CFAP20DC: variants seen among roughly 807,000 people sequenced by gnomAD.
CFAP20DC encodes the protein protein CFAP20DC.
A neutral mutation model predicts 101.7 loss-of-function variants in CFAP20DC; 84 were observed. That is an observed-to-expected ratio of 0.83 (90% CI 0.69 to 0.99). CFAP20DC has a LOEUF of 0.99. Ranked by LOEUF, CFAP20DC falls within the 50% of genes least tolerant of loss-of-function variation. The pLI, the probability that CFAP20DC is intolerant of heterozygous loss-of-function variation, is 0.00. For synonymous variants in CFAP20DC, 359 were observed against 351.2 expected (o/e 1.02, Z -0.25); for missense variants, 1,007 against 970.3 (o/e 1.04, Z -0.50).
chr3:58,907,400 G>A (rs934594502), intron 6 of CFAP20DC, among the ~76,000 whole-genome samples: 2 of 152,184 alleles, frequency 1.3e-5, no homozygotes, highest in Non-Finnish European at 2.9e-5. Flanking sequence ...TACATGTAAG[G>A]TTTCTTGCCA....
At chr3:58,915,021 T>C (rs1005848312) in intron 5 of CFAP20DC, 1 of 152,136 alleles carries the variant, frequency 6.6e-6, no homozygotes, top group Non-Finnish European at 1.5e-5. Context: ...GATGGCCCAG[T>C]GAGGCCAGGT....
intron 4 of CFAP20DC, among the ~76,000 whole-genome samples, chr3:58,985,820 T>C (rs1267171959): frequency 6.6e-6 from 1 of 152,240 alleles, no homozygotes; most frequent in Non-Finnish European, 1.5e-5. Flanking sequence ...CTATTTGTTC[T>C]ATATTATTCT....
At chr3:58,818,157 G>A (rs2075339014) in intron 14 of CFAP20DC, among the ~76,000 whole-genome samples, 1 of 151,038 alleles carries the variant, frequency 6.6e-6, no homozygotes, top group Admixed American at 6.6e-5. Flanking sequence ...ACATGGAAAG[G>A]AACAACCGGT....
chr3:58,842,110 A>G (rs925247497), intron 13 of CFAP20DC, among the ~76,000 whole-genome samples: 1 of 152,234 alleles, frequency 6.6e-6, no homozygotes, highest in African/African-American at 2.4e-5. Flanking sequence ...CCCAGCACTT[A>G]GCAAATCATT....
intron 13 of CFAP20DC, among the ~76,000 whole-genome samples, chr3:58,844,047 C>G (rs1198041705): frequency 1.0e-5 from 1 of 96,972 alleles, no homozygotes; most frequent in South Asian, 4.7e-4. Flanking sequence ...CGGTACCAGC[C>G]GCTGCAAAAT....
chr3:58,808,711 A>C (rs1346902751), intron 14 of CFAP20DC, among the ~76,000 whole-genome samples: 1 of 152,200 alleles, frequency 6.6e-6, no homozygotes, highest in Non-Finnish European at 1.5e-5. Context: ...TTCACACATA[A>C]CTATATTAAC....
chr3:58,998,401 T>G (rs1045461760), intron 4 of CFAP20DC, among the ~76,000 whole-genome samples: 1 of 152,180 alleles, frequency 6.6e-6, no homozygotes, highest in South Asian at 2.1e-4. Flanking sequence ...ATCAAACTCA[T>G]GGGATTAAAC....
At chr3:58,945,482 T>C (rs371627750) in intron 4 of CFAP20DC, among the ~76,000 whole-genome samples, 124 of 152,286 alleles carry the variant, frequency 8.1e-4, no homozygotes, top group Middle Eastern at 3.4e-3. Flanking sequence ...GATCCAATGA[T>C]TATTATCTTA....
At chr3:58,824,209 CAA>C (rs1208453077) in intron 14 of CFAP20DC, among the ~76,000 whole-genome samples, 4 of 152,084 alleles carry the variant, frequency 2.6e-5, no homozygotes, top group Non-Finnish European at 5.9e-5. Context: ...TCATTCTACC[CAA>C]AGAGAGCTGA....
intron 15 of CFAP20DC, among the ~76,000 whole-genome samples, chr3:58,756,612 A>C (rs2068977558): frequency 6.6e-6 from 1 of 152,052 alleles, no homozygotes; most frequent in African/African-American, 2.4e-5. Context: ...ACAGAAGGGC[A>C]CATTTGGGGT....
intron 3 of CFAP20DC, chr3:58,725,778 G>C (rs1559524877): frequency 5.7e-6 from 1 of 176,380 alleles, no homozygotes; most frequent in Admixed American, 6.1e-5. Context: ...CTCCTCTCTG[G>C]ACTGGATTTT....
intron 14 of CFAP20DC, among the ~76,000 whole-genome samples, chr3:58,814,410 G>A (rs909008000): frequency 6.6e-6 from 1 of 151,370 alleles, no homozygotes; most frequent in Non-Finnish European, 1.5e-5. Flanking sequence ...ATACTGAATG[G>A]GCAAAAACTG....
At chr3:58,963,367 T>C (rs1248531242) in intron 4 of CFAP20DC, among the ~76,000 whole-genome samples, 15 of 152,086 alleles carry the variant, frequency 9.9e-5, no homozygotes, top group Admixed American at 9.8e-4. Flanking sequence ...TTCCTTACTC[T>C]ACCATTTTGT....
rs986036938 is a variant in CFAP20DC, at chr3:58,868,249, A to G, written c.1016-313T>C. Among the ~76,000 whole-genome samples, 1 of 152,158 alleles carries G rather than the reference A, an allele frequency of 6.6e-6. No homozygotes were observed. The highest frequency in any genetic ancestry group is 1.5e-5 in the Non-Finnish European group (1 of 68,006). ...AAAAACATTACAAAATGAAACTGAC[A>G]GCCAACACAGAAAAATTACTTCTTC... On this transcript the variant is annotated intron_variant, in intron 9 of 16. Coordinates refer to ENST00000482387, the MANE Select transcript of CFAP20DC (RefSeq NM_001394063.1). The surrounding 1 kb of genome is among the most constrained non-coding windows in gnomAD (Gnocchi z 4.6).
chr3:58,848,925 A>G lies in CFAP20DC; in HGVS notation c.1971+107T>C, dbSNP rs908407586. ...GAACAGGAAAGAAAATACAACACTC[A>G]TCACCCAAATGATGAAAAAGAGATA... On this transcript the variant is annotated intron_variant, in intron 13 of 16. Coordinates refer to ENST00000482387, the MANE Select transcript of CFAP20DC (RefSeq NM_001394063.1). 4.1e-5 allele frequency: 54 copies of G among 1,329,146 alleles called. 1 individual carries two copies. The highest frequency in any genetic ancestry group is 4.9e-5 in the Non-Finnish European group (49 of 1,001,676). The allele number at this position is 1,329,146 out of a possible 1,614,324, so 82.3% of individuals were successfully genotyped here.
In CFAP20DC at chr3:58,831,938, C is replaced by T. The variant is rs201588358; in HGVS notation, c.1972-49G>A. The T allele has an allele frequency of 7.1e-5, 107 of 1,516,192 alleles. No homozygotes were observed. In the African/African-American group the frequency reaches 1.1e-3, roughly 15 times the overall value. The allele number at this position is 1,516,192 out of a possible 1,614,324, so 93.9% of individuals were successfully genotyped here. On this transcript the variant is annotated intron_variant, in intron 13 of 16. Coordinates refer to ENST00000482387, the MANE Select transcript of CFAP20DC (RefSeq NM_001394063.1). The stretch of plus-strand genomic sequence containing the variant: ...CAAAGGGTCATTTGGCCTAATTCTA[C>T]GGCTACTAACAAATGCCACAGCCTT...
intron 5 of CFAP20DC, among the ~76,000 whole-genome samples, chr3:58,921,232 A>AT (rs2085334580): frequency 6.6e-6 from 1 of 151,828 alleles, no homozygotes; most frequent in African/African-American, 2.4e-5. Flanking sequence ...TCCATCACCC[A>AT]TTTTTTATTT....
At position 58,870,226 on chromosome 3, in the gene CFAP20DC, G is replaced by C; in HGVS notation, c.799C>G (p.Leu267Val). The change falls in exon 8 of 17, where the codon CTT becomes GTT. Residue 267 changes from leucine (L) to valine (V), a missense_variant. Leu to Val is a conservative substitution (Grantham distance 32). Coordinates refer to ENST00000482387, the MANE Select transcript of CFAP20DC (RefSeq NM_001394063.1). ...CTGCCAGAGAGTGGAGGTGGCCCAA[G>C]AACTTTGGATCCAAATGCGATATGA... is the stretch of plus-strand genomic sequence containing the variant. ...VCHIAFGSKV[L>V]GPPPLSGRRN... The C allele has an allele frequency of 6.2e-7, 1 of 1,614,094 alleles. No individual in the cohort carries two copies. The highest frequency in any genetic ancestry group is 8.5e-7 in the Non-Finnish European group (1 of 1,180,006).
At chr3:58,745,324 T>C (rs1383072375) in intron 16 of CFAP20DC, among the ~76,000 whole-genome samples, 2 of 152,228 alleles carry the variant, frequency 1.3e-5, no homozygotes, top group African/African-American at 2.4e-5. Context: ...TGCTATGTGA[T>C]TGAGCTGGGC....
Sources: allele counts gnomAD v4.1 joint callset (sites outside exome capture counted in the v4.1 genomes callset), GRCh38; gene constraint gnomAD v4.1.1; non-coding constraint Gnocchi (gnomAD v3.1); transcripts MANE v1.5; gene names NCBI Gene and HGNC (gene_info 2026-07-23, HGNC 2026-07-21).